Variants in MS4A4E observed in about 807,000 individuals in gnomAD.
The protein encoded by MS4A4E is putative membrane-spanning 4-domains subfamily A member 4E.
MS4A4E carries 23 observed loss-of-function variants against 13.3 expected under a neutral mutation model. The ratio of observed to expected loss-of-function variants is 1.73; its 90% CI spans 1.25 to 2.45. MS4A4E has a LOEUF of 2.45. MS4A4E is among the 30% of genes most tolerant of loss of function. The pLI, the probability that MS4A4E is intolerant of heterozygous loss-of-function variation, is 0.00. For synonymous variants in MS4A4E, 36 were observed against 45.6 expected (o/e 0.79, Z 0.85); for missense variants, 144 against 131.2 (o/e 1.10, Z -0.48).
intron 3 of MS4A4E, among the ~76,000 whole-genome samples, chr11:60,221,957 C>T (rs2081547): frequency 0.31 from 47,381 of 152,034 alleles, 8,785 homozygotes; most frequent in South Asian, 0.51. Flanking sequence ...AGTCCATGAA[C>T]GAAGTGGCCA....
intron 2 of MS4A4E, among the ~76,000 whole-genome samples, chr11:60,229,164 C>T (rs2084377790): frequency 6.6e-6 from 1 of 152,192 alleles, no homozygotes; most frequent in African/African-American, 2.4e-5. Flanking sequence ...CTGTACTTTG[C>T]TCTCAATTGT....
intron 8 of MS4A4E, among the ~76,000 whole-genome samples, chr11:60,203,675 G>A (rs1258426530): frequency 1.3e-5 from 2 of 152,196 alleles, no homozygotes; most frequent in East Asian, 1.9e-4. Context: ...CTTAAGCCAA[G>A]GAGGTGGAGG....
intron 5 of MS4A4E, among the ~76,000 whole-genome samples, chr11:60,212,588 C>T (rs1483260629): frequency 6.6e-6 from 1 of 152,130 alleles, no homozygotes; most frequent in Non-Finnish European, 1.5e-5. Flanking sequence ...GGATTACAGG[C>T]GTGAGCCACC....
chr11:60,218,963 G>C (rs969527644), intron 3 of MS4A4E, among the ~76,000 whole-genome samples: 4 of 152,108 alleles, frequency 2.6e-5, no homozygotes, highest in African/African-American at 7.2e-5. Flanking sequence ...AGTTAAAAAA[G>C]TTCTAGTTTA....
chr11:60,239,478 T>C (rs902779335), intron 1 of MS4A4E, among the ~76,000 whole-genome samples: 3 of 152,200 alleles, frequency 2.0e-5, no homozygotes, highest in Non-Finnish European at 4.4e-5. Context: ...ACCTGTCCTG[T>C]CTTGGGGGAA....
intron 6 of MS4A4E, among the ~76,000 whole-genome samples, chr11:60,206,336 T>G (rs1389670899): frequency 6.6e-6 from 1 of 151,322 alleles, no homozygotes; most frequent in African/African-American, 2.4e-5. Flanking sequence ...AATGAAAACC[T>G]TTCAAGTGCT....
In MS4A4E at chr11:60,208,096, T is replaced by A. The variant is rs112107560; in HGVS notation, c.483+497A>T. 6.6e-5 allele frequency among the ~76,000 whole-genome samples: 10 copies of A among 152,268 alleles called. No homozygotes were observed. In the South Asian group the frequency reaches 1.9e-3, roughly 28 times the overall value. On this transcript the variant is annotated intron_variant, in intron 6 of 8. Transcript: ENST00000651255. ...TCTTGTGCTAGGCAGAGTTCTAAGG[T>A]GACACTCACTGACCCCTTGTGATTC...
chr11:60,204,719 T>C (rs1343603777), intron 8 of MS4A4E, among the ~76,000 whole-genome samples, 171 bp downstream of exon 8: 1 of 152,214 alleles, frequency 6.6e-6, no homozygotes, highest in Non-Finnish European at 1.5e-5. Context: ...CTTTTAAACA[T>C]ACTTCCTTTA....
At chr11:60,203,256 T>A (rs963931239) in intron 8 of MS4A4E, among the ~76,000 whole-genome samples, 5 of 152,224 alleles carry the variant, frequency 3.3e-5, no homozygotes, top group African/African-American at 1.2e-4. Context: ...CCTATCAGTA[T>A]CACTCACCAT....
intron 3 of MS4A4E, among the ~76,000 whole-genome samples, chr11:60,218,402 A>C (rs2084224564): frequency 6.6e-6 from 1 of 152,050 alleles, no homozygotes. Context: ...ACCTATTCGC[A>C]TACTCCCTCC....
intron 3 of MS4A4E, among the ~76,000 whole-genome samples, chr11:60,216,250 C>A (rs1199014835): frequency 1.3e-5 from 2 of 152,184 alleles, no homozygotes; most frequent in Admixed American, 6.5e-5. Context: ...ACAGCTCCTG[C>A]AGTTCTTGGT....
At chr11:60,208,933 G>C in intron 5 of MS4A4E, 1 of 230,138 alleles carries the variant, frequency 4.3e-6, no homozygotes, top group Non-Finnish European at 8.5e-6. Flanking sequence ...GTGCTATTGT[G>C]GGCATGGAAG....
At chr11:60,230,290 G>A (rs939271651) in intron 1 of MS4A4E, among the ~76,000 whole-genome samples, 28 of 152,150 alleles carry the variant, frequency 1.8e-4, no homozygotes, top group Non-Finnish European at 2.9e-4. Flanking sequence ...TCAATAATAT[G>A]CTAGGAGAGA....
chr11:60,231,285 GAAGTT>G (rs2084408252), intron 1 of MS4A4E, among the ~76,000 whole-genome samples: 2 of 151,608 alleles, frequency 1.3e-5, no homozygotes, highest in African/African-American at 2.4e-5. Context: ...TATAAAATAA[GAAGTT>G]AAGTATTTTT....
At chr11:60,230,294 G>A (rs2084392538) in intron 1 of MS4A4E, among the ~76,000 whole-genome samples, 1 of 152,116 alleles carries the variant, frequency 6.6e-6, no homozygotes, top group Non-Finnish European at 1.5e-5. Context: ...TAATATGCTA[G>A]GAGAGAGGAC....
chr11:60,212,745 T>G (rs2084140162), intron 5 of MS4A4E, among the ~76,000 whole-genome samples: 1 of 152,210 alleles, frequency 6.6e-6, no homozygotes, highest in Non-Finnish European at 1.5e-5. Flanking sequence ...AGGTGTTCTA[T>G]AACTATAAGC....
rs1261558749 is a variant in MS4A4E, at chr11:60,200,285, T to A, written c.*1258A>T. On this transcript the variant is annotated 3_prime_UTR_variant, in exon 9 of 9. Transcript: ENST00000651255. The stretch of plus-strand genomic sequence containing the variant: ...ACTGGATAAATACTTTTTATTTATT[T>A]ATTTATTTATTTATTTAATTTTTTA... 6.6e-6 allele frequency among the ~76,000 whole-genome samples: 1 copy of A among 152,012 alleles called. No homozygotes were observed. Among genetic ancestry groups the A allele is most frequent in the East Asian group, 1.9e-4 (1 of 5,194 alleles).
intron 3 of MS4A4E, among the ~76,000 whole-genome samples, chr11:60,226,330 CAAGAA>C (rs1308438222): frequency 6.6e-6 from 1 of 151,130 alleles, no homozygotes; most frequent in East Asian, 1.9e-4. Context: ...AAAAACATTA[CAAGAA>C]AAGAAAACTG....
At chr11:60,225,038 C>T (rs1298101260) in intron 3 of MS4A4E, 2 of 1,565,724 alleles carry the variant, frequency 1.3e-6, no homozygotes, top group African/African-American at 1.4e-5. Context: ...AAATGCAACA[C>T]ACATCATTAT....
Sources: allele counts gnomAD v4.1 joint callset (sites outside exome capture counted in the v4.1 genomes callset), GRCh38; gene constraint gnomAD v4.1.1; transcripts MANE v1.5; gene names NCBI Gene and HGNC (gene_info 2026-07-23, HGNC 2026-07-21).